ECHS1: variants seen among roughly 807,000 people sequenced by gnomAD.
ECHS1 encodes enoyl-CoA hydratase, short chain 1, also known as enoyl-CoA hydratase, mitochondrial.
In ECHS1, 19 loss-of-function variants were observed where a neutral mutation model predicts 33.5. The observed-to-expected ratio is 0.57, with a 90% confidence interval of 0.40 to 0.83. The LOEUF (loss-of-function observed/expected upper bound fraction) is 0.83, where lower values mean the gene tolerates loss of function less well. Among genes scored for constraint, ECHS1 ranks in the 40% least tolerant of loss-of-function variants. The probability of loss-of-function intolerance (pLI) is 0.00; values close to 1 mark genes in which losing one functional copy is unlikely to be tolerated. For missense variants in ECHS1, 365 were observed against 381.3 expected (o/e 0.96, Z 0.36); for synonymous variants, 158 against 146.6 (o/e 1.08, Z -0.56).
chr10:133,372,742 G>A (rs1463928563), intron 1 of ECHS1, among the ~76,000 whole-genome samples: 1 of 142,292 alleles, frequency 7.0e-6, no homozygotes, highest in East Asian at 2.1e-4. Context: ...GGGTGGTGGG[G>A]GGGTGTTAAG....
At chr10:133,371,024 T>A (rs567134384) in intron 1 of ECHS1, among the ~76,000 whole-genome samples, 1 of 152,332 alleles carries the variant, frequency 6.6e-6, no homozygotes, top group Admixed American at 6.5e-5. Flanking sequence ...ACGCCTGTAA[T>A]CCCAGCAATT....
chr10:133,366,659 CCCAT>C (rs1849035758), intron 5 of ECHS1, among the ~76,000 whole-genome samples: 6 of 151,676 alleles, frequency 4.0e-5, no homozygotes, highest in African/African-American at 1.5e-4. Context: ...GTGGGGCTCC[CCCAT>C]GGGGGACACC....
At chr10:133,372,384 G>A (rs771931883) in intron 1 of ECHS1, among the ~76,000 whole-genome samples, 1 of 152,226 alleles carries the variant, frequency 6.6e-6, no homozygotes, top group Non-Finnish European at 1.5e-5. Context: ...GAGGGAGGAA[G>A]AGGGCAGCCC....
intron 7 of ECHS1, among the ~76,000 whole-genome samples, 187 bp downstream of exon 7, chr10:133,364,471 T>G (rs1849004394): frequency 6.6e-6 from 1 of 152,182 alleles, no homozygotes; most frequent in African/African-American, 2.4e-5. Context: ...CTTTTGAACT[T>G]GTACATGCTC....
intron 5 of ECHS1, 104 bp from the exon 6 acceptor site, chr10:133,366,199 C>A: frequency 7.2e-7 from 1 of 1,392,468 alleles, no homozygotes; most frequent in Non-Finnish European, 9.7e-7. Context: ...GCACCCCAGC[C>A]TCTGGACGCT....
intron 4 of ECHS1, among the ~76,000 whole-genome samples, chr10:133,367,392 T>C (rs1849047671): frequency 6.8e-6 from 1 of 147,890 alleles, no homozygotes; most frequent in Non-Finnish European, 1.5e-5. Context: ...GTATTACTAA[T>C]ATAACCAAGA....
chr10:133,363,304 C>T (rs1301360936), intron 7 of ECHS1, among the ~76,000 whole-genome samples: 1 of 152,194 alleles, frequency 6.6e-6, no homozygotes, highest in Non-Finnish European at 1.5e-5. Flanking sequence ...CTCAACTCTG[C>T]ATCTGCTTTT....
chr10:133,363,953 AT>A (rs960942062), intron 7 of ECHS1, among the ~76,000 whole-genome samples: 7 of 142,298 alleles, frequency 4.9e-5, no homozygotes, highest in Admixed American at 2.1e-4. Flanking sequence ...AATGAGTTAC[AT>A]TTTTTTTTTC....
intron 5 of ECHS1, 98 bp from the exon 6 acceptor site, chr10:133,366,193 C>T: frequency 6.9e-7 from 1 of 1,441,982 alleles, no homozygotes; most frequent in Non-Finnish European, 9.4e-7. Flanking sequence ...GCTGGAGCAC[C>T]CCAGCCTCTG....
intron 5 of ECHS1, 97 bp from the exon 6 acceptor site, chr10:133,366,192 C>A (rs1048704473): frequency 1.4e-6 from 2 of 1,459,356 alleles, no homozygotes; most frequent in Non-Finnish European, 1.8e-6. Context: ...GGCTGGAGCA[C>A]CCCAGCCTCT....
Position 133,362,508 on chromosome 10 carries a change from A to G in ECHS1, c.*360T>C. On this transcript the variant is annotated 3_prime_UTR_variant, in exon 8 of 8. Transcript: ENST00000368547. ...TGTAATCTGAATCGCTATCACTTTA[A>G]TCAGCATCTGTATGAAGGCAGCAGA... 9.6e-6 allele frequency: 3 copies of G among 312,594 alleles called. No individual in the cohort carries two copies. Among genetic ancestry groups the G allele is most frequent in the Non-Finnish European group, 1.8e-5 (3 of 166,382 alleles). The allele number at this position is 312,594 out of a possible 1,614,324, so 19.4% of individuals were successfully genotyped here. A position where few individuals can be genotyped will look rare whatever the true frequency, so the allele number is the denominator to read the frequency against.
intron 2 of ECHS1, 39 bp from the exon 3 acceptor site, chr10:133,370,070 CAG>C (rs1849083751): frequency 6.2e-7 from 1 of 1,611,012 alleles, no homozygotes. Flanking sequence ...TACCAGAGAG[CAG>C]AGAGCCCACC....
At chr10:133,369,814 C>T in intron 3 of ECHS1, 90 bp downstream of exon 3, 1 of 1,516,444 alleles carries the variant, frequency 6.6e-7, no homozygotes, top group East Asian at 2.3e-5. Context: ...GAACTAAAGG[C>T]CTCTTCAAAA....
chr10:133,365,370 C>T (rs1208124496), intron 6 of ECHS1, among the ~76,000 whole-genome samples: 1 of 152,274 alleles, frequency 6.6e-6, no homozygotes, highest in East Asian at 1.9e-4. Flanking sequence ...GATAAATGCA[C>T]TCAGAGAGGT....
At chr10:133,366,839 C>T in intron 5 of ECHS1, 50 bp downstream of exon 5, 1 of 1,464,728 alleles carries the variant, frequency 6.8e-7, no homozygotes, top group Non-Finnish European at 9.5e-7. Context: ...TTCTGTGGGG[C>T]TCCCACCCCG....
intron 1 of ECHS1, 136 bp downstream of exon 1, chr10:133,373,110 G>T: frequency 1.6e-6 from 1 of 619,990 alleles, no homozygotes; most frequent in Non-Finnish European, 2.4e-6. Flanking sequence ...GGGGTCAGGC[G>T]GAAGAGGGGT....
intron 6 of ECHS1, among the ~76,000 whole-genome samples, chr10:133,365,356 T>C (rs1849014723): frequency 6.6e-6 from 1 of 152,132 alleles, no homozygotes; most frequent in African/African-American, 2.4e-5. Context: ...GGCCACACCC[T>C]CGAGATAAAT....
chr10:133,366,896 CTTGGCGT>C lies in ECHS1; in HGVS notation c.605_611del (p.Asp202GlyfsTer33). The C allele has an allele frequency of 6.2e-7, 1 of 1,611,268 alleles. No homozygotes were observed. The highest frequency in any genetic ancestry group is 8.5e-7 in the Non-Finnish European group (1 of 1,179,696). Reference sequence around the variant, plus strand: ...GGCAGCCCCAACCCATACCTGCTTGCTTGGCGTCCTGGGCTGAGATCCGGTCACCAGT... The same window carrying C: ...GGCAGCCCCAACCCATACCTGCTTGCCCTGGGCTGAGATCCGGTCACCAGT... On this transcript the variant is annotated frameshift_variant, in exon 5 of 8. Transcript: ENST00000368547. LOFTEE classifies it high-confidence loss of function.
rs76273812 is a variant in ECHS1 at position 133,365,603 on chromosome 10, G to A, written c.739+373C>T. 6.7e-3 allele frequency among the ~76,000 whole-genome samples: 1,025 copies of A among 152,334 alleles called. 10 individuals are homozygous for A. The highest frequency in any genetic ancestry group is 0.034 in the Middle Eastern group (10 of 294). On this transcript the variant is annotated intron_variant, in intron 6 of 7. Coordinates refer to ENST00000368547, the MANE Select transcript of ECHS1 (RefSeq NM_004092.4). ...AAGCCTGCGTAGCCACCTGCCAGGC[G>A]CACACGCAGCCGCCAACCCCAGGTC...
Sources: gnomAD v4.1 joint callset for allele counts (sites outside exome capture counted in the v4.1 genomes callset) on GRCh38, gnomAD v4.1.1 for gene constraint, MANE v1.5 for transcripts, NCBI Gene and HGNC (gene_info 2026-07-23, HGNC 2026-07-21) for gene names.